LMO7: variants seen among roughly 807,000 people sequenced by gnomAD.
LMO7 encodes the protein LIM domain only protein 7.
Under a neutral mutation model 206.5 loss-of-function variants are expected in LMO7, and 120 were observed. That is an observed-to-expected ratio of 0.58 (90% CI 0.50 to 0.68). The LOEUF (loss-of-function observed/expected upper bound fraction) is 0.68, where lower values mean the gene tolerates loss of function less well. Ranked by LOEUF, LMO7 falls within the 30% of genes least tolerant of loss-of-function variation. The pLI, the probability that LMO7 is intolerant of heterozygous loss-of-function variation, is 0.00. For synonymous variants in LMO7, 706 were observed against 681.5 expected, an observed-to-expected ratio of 1.04 and a Z score of -0.56; for missense variants, 1,959 against 1,957.9, an observed-to-expected ratio of 1.00 and a Z score of -0.01.
chr13:75,738,539 T>C (rs1055493564), intron 3 of LMO7, among the ~76,000 whole-genome samples: 2 of 152,200 alleles, frequency 1.3e-5, no homozygotes, highest in Admixed American at 1.3e-4. Flanking sequence ...CTGAGTTTAA[T>C]TTTATAAAGA....
chr13:75,641,502 C>T (rs1268865699), intron 1 of LMO7, among the ~76,000 whole-genome samples: 1 of 152,206 alleles, frequency 6.6e-6, no homozygotes, highest in African/African-American at 2.4e-5. Context: ...CTTTTTATCA[C>T]TCAAGAGAGT....
intron 1 of LMO7, among the ~76,000 whole-genome samples, chr13:75,662,519 C>CT (rs1294223253): frequency 6.6e-6 from 1 of 152,098 alleles, no homozygotes; most frequent in Non-Finnish European, 1.5e-5. Flanking sequence ...GGGTCTCACT[C>CT]TGTTTCCTAG....
chr13:75,630,822 C>A (rs199970190), intron 2 of LMO7, among the ~76,000 whole-genome samples: 2 of 144,074 alleles, frequency 1.4e-5, no homozygotes, highest in Admixed American at 1.5e-4. Flanking sequence ...TTCTTTTTTT[C>A]TTTTTGTATT....
chr13:75,740,967 T>A (rs2046360043), intron 3 of LMO7, among the ~76,000 whole-genome samples: 1 of 152,238 alleles, frequency 6.6e-6, no homozygotes, highest in South Asian at 2.1e-4. Context: ...CACCTATCAG[T>A]GTATTGGAGC....
chr13:75,679,366 G>A lies in LMO7; in HGVS notation c.70-33816G>A, dbSNP rs151161970. On this transcript the variant is annotated intron_variant, in intron 1 of 30. Coordinates refer to ENST00000377534, the MANE Select transcript of LMO7 (RefSeq NM_001306080.2). ...GCTGAGAGCGGCAGTTCCAGAAGGTGCCTATACTTCTGTCTTCATAGCCAG... is the reference window on the plus strand; with the variant it reads ...GCTGAGAGCGGCAGTTCCAGAAGGTACCTATACTTCTGTCTTCATAGCCAG... Among the ~76,000 whole-genome samples the A allele has an allele frequency of 5.3e-5, 8 of 152,320 alleles. No homozygotes were observed. The South Asian group carries it at 1.0e-3, about 20-fold the overall frequency.
intron 3 of LMO7, among the ~76,000 whole-genome samples, chr13:75,731,882 C>T (rs2045271957): frequency 6.6e-6 from 1 of 151,872 alleles, no homozygotes; most frequent in African/African-American, 2.4e-5. Flanking sequence ...TTCTCCTTCG[C>T]TTATGAAGCT....
chr13:75,844,235 A>G (rs537198111), intron 25 of LMO7, among the ~76,000 whole-genome samples: 1 of 152,208 alleles, frequency 6.6e-6, no homozygotes, highest in East Asian at 1.9e-4. Context: ...CTATGTTGAT[A>G]CAAGTGAAAT....
intron 6 of LMO7, among the ~76,000 whole-genome samples, chr13:75,797,211 A>G (rs1302509204): frequency 1.3e-5 from 2 of 152,182 alleles, no homozygotes; most frequent in Admixed American, 1.3e-4. Context: ...TATCCCCACA[A>G]TTCTACCATG....
intron 2 of LMO7, 148 bp from the exon 3 acceptor site, chr13:75,726,881 T>A (rs2044524171): frequency 1.1e-5 from 7 of 639,862 alleles, no homozygotes; most frequent in South Asian, 1.8e-5. Context: ...AGACTTGATA[T>A]CTTGGTTATT....
chr13:75,786,681 G>A (rs1395823097), intron 4 of LMO7, among the ~76,000 whole-genome samples: 2 of 152,064 alleles, frequency 1.3e-5, no homozygotes, highest in South Asian at 4.2e-4. Flanking sequence ...CACCGCGCCC[G>A]GCCTCTCTCT....
At chr13:75,724,195 G>A (rs781297755) in intron 2 of LMO7, among the ~76,000 whole-genome samples, 1 of 152,130 alleles carries the variant, frequency 6.6e-6, no homozygotes, top group Non-Finnish European at 1.5e-5. Flanking sequence ...GAAATTGCAG[G>A]CCAAAACTGT....
At chr13:75,693,288 A>G (rs1266720993) in intron 1 of LMO7, among the ~76,000 whole-genome samples, 1 of 152,262 alleles carries the variant, frequency 6.6e-6, no homozygotes, top group Admixed American at 6.5e-5. Context: ...ATAAATACAG[A>G]TGAGTAAATA....
intron 7 of LMO7, chr13:75,804,082 A>C (rs1054038139): frequency 5.7e-6 from 3 of 524,630 alleles, no homozygotes; most frequent in Non-Finnish European, 1.0e-5. Context: ...GCAGCAAAAG[A>C]ATGTACTGCA....
chr13:75,770,190 T>C lies in LMO7; in HGVS notation c.317+9152T>C, dbSNP rs977842079. ...GTTTTGGTGATGAATTTTTTTTTTT[T>C]CCCCACCGAAGGGGCCTGGTCCATG... On this transcript the variant is annotated intron_variant, in intron 4 of 30. Transcript: ENST00000377534. 3.4e-4 allele frequency among the ~76,000 whole-genome samples: 51 copies of C among 150,844 alleles called. 1 individual carries two copies. Among genetic ancestry groups the C allele is most frequent in the Admixed American group, 2.0e-4 (3 of 15,106 alleles).
At position 75,841,105 on chromosome 13, in the gene LMO7, A is replaced by G. The variant is rs1008549700; in HGVS notation, c.3583-4A>G. ...GGATTAATATATGTCATATTTTCTT[A>G]TAGGAAAAATATCAACGTGAGCAGG... On this transcript the variant is annotated splice_region_variant and splice_polypyrimidine_tract_variant and intron_variant, in intron 22 of 30. Transcript: ENST00000377534. 10 of 1,586,176 alleles carry G rather than the reference A, an allele frequency of 6.3e-6. No homozygotes were observed. The highest frequency in any genetic ancestry group is 8.6e-6 in the Non-Finnish European group (10 of 1,156,312).
At position 75,817,293 on chromosome 13, in the gene LMO7, G is replaced by A; in HGVS notation, c.2064+15G>A. 1.4e-6 allele frequency: 2 copies of A among 1,481,010 alleles called. No homozygotes were observed. The highest frequency in any genetic ancestry group is 1.9e-6 in the Non-Finnish European group (2 of 1,062,326). 91.7% of individuals were successfully genotyped at this position (1,481,010 alleles called of 1,614,324 possible). ...AATGGCAGGATGTGAGTATTTTGGGGATTGGAGGGGAGAGAGTGTATTTGT... is the reference window on the plus strand; with the variant it reads ...AATGGCAGGATGTGAGTATTTTGGGAATTGGAGGGGAGAGAGTGTATTTGT... On this transcript the variant is annotated intron_variant, in intron 12 of 30. Transcript: ENST00000377534.
At chr13:75,815,781 C>A (rs1566528451) in intron 11 of LMO7, among the ~76,000 whole-genome samples, 1 of 151,960 alleles carries the variant, frequency 6.6e-6, no homozygotes, top group Non-Finnish European at 1.5e-5. Context: ...GAAAGAGACA[C>A]TGAATGAAAG....
Position 75,804,888 on chromosome 13 carries a change from AT to A in LMO7, c.914+350del. ...TAGTGGACATGAAAAGAATCCTTTA[AT>A]TTCTCAGCAAATTAGCAGAACAGAG... On this transcript the variant is annotated intron_variant, in intron 8 of 30. Transcript: ENST00000377534. 2.9e-6 allele frequency: 3 copies of A among 1,024,190 alleles called. No homozygotes were observed. The South Asian group carries it at 1.2e-4, about 42-fold the overall frequency. The allele number at this position is 1,024,190 out of a possible 1,614,324, so 63.4% of individuals were successfully genotyped here. A position where few individuals can be genotyped will look rare whatever the true frequency, so the allele number is the denominator to read the frequency against.
chr13:75,738,665 T>G (rs192430122), intron 3 of LMO7, among the ~76,000 whole-genome samples: 31 of 152,196 alleles, frequency 2.0e-4, no homozygotes, highest in Admixed American at 2.0e-3. Context: ...GTGGGTATGT[T>G]CAAATCACTG....
Sources: allele counts gnomAD v4.1 joint callset (sites outside exome capture counted in the v4.1 genomes callset), GRCh38; gene constraint gnomAD v4.1.1; transcripts MANE v1.5; gene names NCBI Gene and HGNC (gene_info 2026-07-23, HGNC 2026-07-21).